Variants in RIMS2 observed in about 807,000 individuals in gnomAD.
The protein encoded by RIMS2 is regulating synaptic membrane exocytosis protein 2.
In RIMS2, 59 loss-of-function variants were observed where a neutral mutation model predicts 174.4. The ratio of observed to expected loss-of-function variants is 0.34; its 90% CI spans 0.27 to 0.42. RIMS2 has a LOEUF of 0.42. Ranked by LOEUF, RIMS2 falls within the 10% of genes least tolerant of loss-of-function variation. The pLI, the probability that RIMS2 is intolerant of heterozygous loss-of-function variation, is 1.00. For synonymous variants in RIMS2, 606 were observed against 572.5 expected (o/e 1.06, Z -0.84); for missense variants, 1,620 against 1,666.3 (o/e 0.97, Z 0.48).
chr8:104,193,912 C>G (rs2099010736), intron 19 of RIMS2, among the ~76,000 whole-genome samples: 4 of 152,076 alleles, frequency 2.6e-5, no homozygotes, highest in Admixed American at 2.6e-4. Flanking sequence ...TAAAATCTTG[C>G]TAGCTGTCAT....
At chr8:103,525,163 A>G (rs1185100548) in intron 1 of RIMS2, among the ~76,000 whole-genome samples, 1 of 152,238 alleles carries the variant, frequency 6.6e-6, no homozygotes. Context: ...AATTTTCTGA[A>G]TAACATCAAG....
intron 19 of RIMS2, among the ~76,000 whole-genome samples, chr8:104,081,520 A>G (rs1173924702): frequency 6.6e-6 from 1 of 151,964 alleles, no homozygotes; most frequent in East Asian, 1.9e-4. Flanking sequence ...GAAAATCTTT[A>G]TTTTAAGCAT....
chr8:103,661,581 G>A (rs1173604877), intron 1 of RIMS2, among the ~76,000 whole-genome samples: 1 of 151,960 alleles, frequency 6.6e-6, no homozygotes, highest in Non-Finnish European at 1.5e-5. Context: ...TTGGCTCACT[G>A]CAACTTCTGC....
At chr8:103,522,067 G>C (rs1831969665) in intron 1 of RIMS2, among the ~76,000 whole-genome samples, 1 of 151,932 alleles carries the variant, frequency 6.6e-6, no homozygotes, top group Non-Finnish European at 1.5e-5. Flanking sequence ...TTTCCTAAAT[G>C]GACAGTTTCT....
At chr8:103,696,614 C>T (rs2097103654) in intron 1 of RIMS2, among the ~76,000 whole-genome samples, 2 of 151,842 alleles carry the variant, frequency 1.3e-5, no homozygotes, top group African/African-American at 2.4e-5. Context: ...GGTCTGTAAT[C>T]ATAGCACTTC....
intron 1 of RIMS2, among the ~76,000 whole-genome samples, chr8:103,628,118 G>GA (rs2095829979): frequency 6.6e-6 from 1 of 152,046 alleles, no homozygotes; most frequent in Admixed American, 6.6e-5. Context: ...AGGCATTGGG[G>GA]AAAATAAACA....
At chr8:104,190,523 C>G (rs543926386) in intron 19 of RIMS2, among the ~76,000 whole-genome samples, 12 of 151,930 alleles carry the variant, frequency 7.9e-5, no homozygotes, top group Admixed American at 1.3e-4. Flanking sequence ...CCTGAATTTC[C>G]TTTTTAGGCT....
chr8:103,505,013 G>A (rs890659649), intron 1 of RIMS2, among the ~76,000 whole-genome samples: 1 of 151,082 alleles, frequency 6.6e-6, no homozygotes, highest in South Asian at 2.1e-4. Flanking sequence ...CATGACACTC[G>A]ACTAATTTAT....
exon 4 of RIMS2, chr8:103,885,711 T>C (rs1425423451): frequency 6.2e-7 from 1 of 1,613,076 alleles, no homozygotes; most frequent in Non-Finnish European, 8.5e-7. Flanking sequence ...CATAGTGATG[T>C]TTCTTTGGCA....
intron 19 of RIMS2, among the ~76,000 whole-genome samples, chr8:104,072,830 A>G (rs1043017969): frequency 2.0e-5 from 3 of 152,182 alleles, no homozygotes; most frequent in Admixed American, 2.0e-4. Flanking sequence ...CTTTCTAAGA[A>G]TATTTTCAGT....
At chr8:104,195,627 G>C (rs552437024) in intron 19 of RIMS2, among the ~76,000 whole-genome samples, 5 of 149,662 alleles carry the variant, frequency 3.3e-5, no homozygotes, top group African/African-American at 1.2e-4. Context: ...CAATTCTCCC[G>C]CCTCAGCCTT....
chr8:104,144,307 A>C (rs182247394), intron 19 of RIMS2, among the ~76,000 whole-genome samples: 1 of 152,218 alleles, frequency 6.6e-6, no homozygotes, highest in African/African-American at 2.4e-5. Context: ...TGCACAAAAC[A>C]ATATTTAGAA....
In RIMS2 at chr8:103,804,100, T is replaced by C. The variant is rs917593574; in HGVS notation, c.698+37563T>C. ...GCAGCAATGGCAAACTAGTACAGCA[T>C]ATTTCAAAAAAAGTAAAGAAAAATT... On this transcript the variant is annotated intron_variant, in intron 3 of 23. Transcript: ENST00000504942. Among the ~76,000 whole-genome samples the C allele has an allele frequency of 5.9e-5, 9 of 152,198 alleles. No individual in the cohort carries two copies. The East Asian group carries it at 1.7e-3, about 29-fold the overall frequency.
chr8:103,897,544 C>T (rs2099293616), intron 4 of RIMS2, among the ~76,000 whole-genome samples: 1 of 151,682 alleles, frequency 6.6e-6, no homozygotes, highest in Admixed American at 6.6e-5. Flanking sequence ...AAATATGGAT[C>T]ACTACATCTG....
downstream of RIMS2, chr8:104,255,316 C>G (rs2099366304): frequency 6.6e-6 from 1 of 150,782 alleles, no homozygotes; most frequent in Non-Finnish European, 1.5e-5. Context: ...CCATATATAC[C>G]CCCTACTCTA....
chr8:103,940,675 A>C (rs1211213852), intron 13 of RIMS2, among the ~76,000 whole-genome samples: 1 of 152,122 alleles, frequency 6.6e-6, no homozygotes, highest in Non-Finnish European at 1.5e-5. Context: ...CAGGAGTTCG[A>C]GACCAGCCTG....
chr8:104,223,290 A>G (rs2138649263), intron 19 of RIMS2: 16 of 711,060 alleles, frequency 2.3e-5, no homozygotes, highest in Non-Finnish European at 2.4e-5. Context: ...ATTGGCGGGG[A>G]CCGCAGCATC....
chr8:103,587,296 A>G (rs975857575), intron 1 of RIMS2, among the ~76,000 whole-genome samples: 1 of 151,984 alleles, frequency 6.6e-6, no homozygotes, highest in African/African-American at 2.4e-5. Context: ...AGTGGATACC[A>G]GTTCTACTCA....
chr8:103,525,161 G>C (rs538231558), intron 1 of RIMS2, among the ~76,000 whole-genome samples: 1 of 152,142 alleles, frequency 6.6e-6, no homozygotes, highest in Non-Finnish European at 1.5e-5. Context: ...CAAATTTTCT[G>C]AATAACATCA....
Sources: gnomAD v4.1 joint callset for allele counts (sites outside exome capture counted in the v4.1 genomes callset) on GRCh38, gnomAD v4.1.1 for gene constraint, MANE v1.5 for transcripts, NCBI Gene and HGNC (gene_info 2026-07-23, HGNC 2026-07-21) for gene names.